The following POTEH variants were observed in gnomAD, a reference collection of about 807,000 sequenced individuals.
POTEH encodes the protein POTE ankyrin domain family member H.
POTEH carries 6 observed loss-of-function variants against 41.7 expected under a neutral mutation model. That is an observed-to-expected ratio of 0.14 (90% CI 0.08 to 0.28). The LOEUF is 0.28. POTEH is among the 10% of genes least tolerant of loss of function. The probability of loss-of-function intolerance (pLI) is 1.00; values close to 1 mark genes in which losing one functional copy is unlikely to be tolerated. For synonymous variants in POTEH, 38 were observed against 179.9 expected (o/e 0.21, Z 6.31); for missense variants, 115 against 533.5 (o/e 0.22, Z 7.73).
chr22:15,691,869 G>A (rs1278966346), intron 1 of POTEH, among the ~76,000 whole-genome samples: 1 of 148,616 alleles, frequency 6.7e-6, no homozygotes, highest in Non-Finnish European at 1.5e-5. Context: ...CATTTTTGGA[G>A]AAAACTAGCT....
intron 9 of POTEH, among the ~76,000 whole-genome samples, chr22:15,711,393 C>T (rs1487994185): frequency 6.6e-6 from 1 of 151,724 alleles, no homozygotes; most frequent in Admixed American, 6.6e-5. Context: ...TGGTCGTCTC[C>T]CTCCTGCCAC....
rs566112985 is a variant in POTEH at position 15,703,598 on chromosome 22, C to T, written c.1237+842C>T. On this transcript the variant is annotated intron_variant, in intron 6 of 10. Transcript: ENST00000343518. ...AGTGTCATAATAAATATGCAAATTG[C>T]CCAACTCTAGGCTCAGCAGATTATC... Among the ~76,000 whole-genome samples the T allele has an allele frequency of 1.5e-4, 22 of 144,600 alleles. 2 individuals are homozygous for T. Among genetic ancestry groups the T allele is most frequent in the African/African-American group, 5.7e-4 (22 of 38,566 alleles). The allele number at this position is 144,600 out of a possible 152,430, so 94.9% of individuals were successfully genotyped here.
intron 9 of POTEH, among the ~76,000 whole-genome samples, chr22:15,712,959 G>A (rs1181516179): frequency 2.0e-5 from 3 of 150,324 alleles, no homozygotes; most frequent in African/African-American, 7.4e-5. Flanking sequence ...GGCATTTAAT[G>A]CCACATGTGT....
intron 1 of POTEH, among the ~76,000 whole-genome samples, chr22:15,691,826 G>C (rs1306005642): frequency 6.7e-6 from 1 of 149,332 alleles, no homozygotes; most frequent in African/African-American, 2.4e-5. Context: ...GTGATGTTTT[G>C]TATTATTTAA....
intron 6 of POTEH, among the ~76,000 whole-genome samples, chr22:15,703,696 G>A (rs1989609146): frequency 6.7e-6 from 1 of 149,314 alleles, no homozygotes; most frequent in Admixed American, 6.7e-5. Context: ...CTAATACACT[G>A]TATAGTCCAA....
intron 9 of POTEH, 50 bp downstream of exon 9, chr22:15,711,084 AATTCATG>A: frequency 6.2e-7 from 1 of 1,606,798 alleles, no homozygotes. Context: ...CTGTGAATCT[AATTCATG>A]ATGAACAAAT....
intron 1 of POTEH, 136 bp downstream of exon 1, chr22:15,690,845 A>G: frequency 8.8e-7 from 1 of 1,137,510 alleles, no homozygotes; most frequent in Non-Finnish European, 1.2e-6. Flanking sequence ...AACCTCAGAG[A>G]GTTCAGGGCA....
chr22:15,691,525 C>CAAAA (rs1173004751), intron 1 of POTEH, among the ~76,000 whole-genome samples: 4 of 88,090 alleles, frequency 4.5e-5, no homozygotes, highest in African/African-American at 1.6e-4. Context: ...GACTCCGTCT[C>CAAAA]AAAAAAAAAA....
At chr22:15,692,209 C>T (rs1472947603) in intron 1 of POTEH, among the ~76,000 whole-genome samples, 1 of 139,450 alleles carries the variant, frequency 7.2e-6, no homozygotes, top group Non-Finnish European at 1.6e-5. Context: ...GTTTCACCAT[C>T]TTGGCCAGGC....
intron 9 of POTEH, among the ~76,000 whole-genome samples, chr22:15,718,942 A>T (rs1989965258): frequency 6.8e-6 from 1 of 147,360 alleles, no homozygotes; most frequent in African/African-American, 2.5e-5. Context: ...TGTTTATAAA[A>T]TACATAGGAA....
intron 9 of POTEH, among the ~76,000 whole-genome samples, chr22:15,712,586 G>T (rs1274572437): frequency 7.7e-5 from 2 of 25,848 alleles, no homozygotes; most frequent in African/African-American, 3.2e-4. Flanking sequence ...ATATGTAAAA[G>T]TGTCCTGCAT....
At chr22:15,699,658 CATT>C (rs1328942300) in intron 4 of POTEH, 2 of 239,850 alleles carry the variant, frequency 8.3e-6, no homozygotes, top group African/African-American at 4.6e-5. Flanking sequence ...CTATTCTTAC[CATT>C]ATTATTAATC....
At chr22:15,705,365 T>G in intron 6 of POTEH, among the ~76,000 whole-genome samples, 1 of 128,990 alleles carries the variant, frequency 7.8e-6, no homozygotes, top group African/African-American at 2.9e-5. Flanking sequence ...TTTTTTTTTT[T>G]TTTTTTTTTT....
At chr22:15,712,957 A>G (rs1264909811) in intron 9 of POTEH, among the ~76,000 whole-genome samples, 7 of 150,406 alleles carry the variant, frequency 4.7e-5, no homozygotes, top group African/African-American at 1.7e-4. Context: ...CTGGCATTTA[A>G]TGCCACATGT....
chr22:15,691,034 A>G (rs1329784000), intron 1 of POTEH, among the ~76,000 whole-genome samples: 1 of 143,200 alleles, frequency 7.0e-6, no homozygotes, highest in African/African-American at 2.5e-5. Flanking sequence ...ACATTAAAAA[A>G]GTGTATATTG....
Position 15,690,161 on chromosome 22 carries a change from C to G in POTEH, c.84C>G (p.Cys28Trp). 7.3e-7 allele frequency: 1 copy of G among 1,363,116 alleles called. No homozygotes were observed. The highest frequency in any genetic ancestry group is 1.0e-6 in the Non-Finnish European group (1 of 979,406). The allele number at this position is 1,363,116 out of a possible 1,614,324, so 84.4% of individuals were successfully genotyped here. Residue 28 changes from cysteine (C) to tryptophan (W), a missense_variant, in exon 1 of 11, where the codon TGC (cysteine) becomes TGG (tryptophan). Transcript: ENST00000343518. ...FGLRSKMGKW[C>W]RHCFAWCRGS... Reference sequence around the variant, plus strand: ...TCAGAAGCAAGATGGGCAAGTGGTGCCGCCACTGCTTCGCCTGGTGCAGGG... The same window carrying G: ...TCAGAAGCAAGATGGGCAAGTGGTGGCGCCACTGCTTCGCCTGGTGCAGGG...
intron 1 of POTEH, among the ~76,000 whole-genome samples, chr22:15,692,009 A>ATATAAATAAATC (rs1421248855): frequency 7.8e-6 from 1 of 128,590 alleles, no homozygotes; most frequent in African/African-American, 2.7e-5. Flanking sequence ...TATATATATA[A>ATATAAATAAATC]ATTTCTTTTT....
At position 15,691,525 on chromosome 22, in the gene POTEH, CAAA is replaced by C. The variant is rs1173004751; in HGVS notation, c.632+834_632+836del. Among the ~76,000 whole-genome samples, 216 of 88,012 alleles carry C rather than the reference CAAA, an allele frequency of 2.5e-3. 2 individuals carry two copies. The highest frequency in any genetic ancestry group is 3.6e-3 in the Non-Finnish European group (148 of 40,862). The allele number at this position is 88,012 out of a possible 152,430, so 57.7% of individuals were successfully genotyped here. A position where few individuals can be genotyped will look rare whatever the true frequency, so the allele number is the denominator to read the frequency against. ...TGGGAGACAGAGCAAGACTCCGTCTCAAAAAAAAAAAAAAAAAAAAGTGAGCTT... is the reference window on the plus strand; with the variant it reads ...TGGGAGACAGAGCAAGACTCCGTCTCAAAAAAAAAAAAAAAAAGTGAGCTT... On this transcript the variant is annotated intron_variant, in intron 1 of 10. Coordinates refer to ENST00000343518, the MANE Select transcript of POTEH (RefSeq NM_001136213.1).
intron 1 of POTEH, among the ~76,000 whole-genome samples, chr22:15,692,355 T>A (rs1989341073): frequency 6.8e-6 from 1 of 146,740 alleles, no homozygotes; most frequent in Non-Finnish European, 1.5e-5. Context: ...AGTACTTTTT[T>A]GCATATCTAC....
Sources: gnomAD v4.1 joint callset for allele counts (sites outside exome capture counted in the v4.1 genomes callset) on GRCh38, gnomAD v4.1.1 for gene constraint, MANE v1.5 for transcripts, NCBI Gene and HGNC (gene_info 2026-07-23, HGNC 2026-07-21) for gene names.